EFL1: variants seen among roughly 807,000 people sequenced by gnomAD.
The protein encoded by EFL1 is elongation factor-like GTPase 1.
EFL1 carries 76 observed loss-of-function variants against 126.7 expected under a neutral mutation model. The observed-to-expected ratio is 0.60, with a 90% CI of 0.50 to 0.73. The LOEUF (loss-of-function observed/expected upper bound fraction) is 0.73, where lower values mean the gene tolerates loss of function less well. Ranked by LOEUF, EFL1 falls within the 30% of genes least tolerant of loss-of-function variation. The pLI is 0.00. For synonymous variants in EFL1, 410 were observed against 448.4 expected (o/e 0.91, Z 1.08); for missense variants, 1,128 against 1,343.2 (o/e 0.84, Z 2.50).
At chr15:82,248,458 T>C (rs532027082) in intron 4 of EFL1, among the ~76,000 whole-genome samples, 6 of 152,162 alleles carry the variant, frequency 3.9e-5, no homozygotes, top group South Asian at 2.1e-4. Context: ...AGTGTCTCCA[T>C]GGCCTAGTCT....
chr15:82,201,720 G>C (rs902062623), intron 15 of EFL1, among the ~76,000 whole-genome samples: 2 of 79,648 alleles, frequency 2.5e-5, no homozygotes, highest in East Asian at 3.7e-4. Context: ...AAAAAAAAAA[G>C]AACTCAAACT....
In EFL1 at chr15:82,180,361, AAAAAAAAAAAAC is replaced by A. The variant is rs1227784900; in HGVS notation, c.1751-16389_1751-16378del. ...AGCAGTAACTGCGATTAAACTGGCA[AAAAAAAAAAAAC>A]AAAAAAAAAACAAACAAAAAAAACC... On this transcript the variant is annotated intron_variant, in intron 15 of 19. Transcript: ENST00000268206. Among the ~76,000 whole-genome samples, 413 of 47,110 alleles carry A rather than the reference AAAAAAAAAAAAC, an allele frequency of 8.8e-3. 7 individuals carry two copies. In the African/African-American group the frequency reaches 0.094, roughly 11 times the overall value. 30.9% of individuals were successfully genotyped at this position (47,110 alleles called of 152,430 possible). A position where few individuals can be genotyped will look rare whatever the true frequency, so the allele number is the denominator to read the frequency against.
intron 15 of EFL1, among the ~76,000 whole-genome samples, chr15:82,202,452 C>G (rs957904739): frequency 1.7e-4 from 26 of 151,994 alleles, no homozygotes; most frequent in African/African-American, 6.0e-4. Flanking sequence ...TAATATTTCC[C>G]AAGGAAATCA....
intron 7 of EFL1, among the ~76,000 whole-genome samples, chr15:82,236,353 C>T (rs185612431): frequency 6.6e-6 from 1 of 152,114 alleles, no homozygotes; most frequent in Non-Finnish European, 1.5e-5. Context: ...AGGCCTTGAA[C>T]AGCAAAAGAA....
At chr15:82,189,750 T>C (rs1473800837) in intron 15 of EFL1, among the ~76,000 whole-genome samples, 1 of 152,130 alleles carries the variant, frequency 6.6e-6, no homozygotes, top group Non-Finnish European at 1.5e-5. Context: ...CACACACATA[T>C]ACATTAGTAT....
intron 15 of EFL1, among the ~76,000 whole-genome samples, chr15:82,175,962 C>T (rs1359675563): frequency 6.6e-6 from 1 of 151,818 alleles, no homozygotes; most frequent in African/African-American, 2.4e-5. Flanking sequence ...TCTTTTAAAA[C>T]CAAAAAATTA....
intron 15 of EFL1, among the ~76,000 whole-genome samples, chr15:82,176,508 A>G (rs1018664599): frequency 2.0e-5 from 3 of 152,252 alleles, no homozygotes; most frequent in Non-Finnish European, 4.4e-5. Flanking sequence ...CAGAGAATCT[A>G]TAAGTGGGTA....
At chr15:82,241,473 G>T in intron 4 of EFL1, 70 bp from the exon 5 acceptor site, 2 of 1,517,000 alleles carry the variant, frequency 1.3e-6, no homozygotes, top group South Asian at 1.3e-5. Flanking sequence ...AGGCGTTCTA[G>T]AATAAGAAAG....
intron 15 of EFL1, among the ~76,000 whole-genome samples, chr15:82,197,113 A>T (rs1347946930): frequency 6.6e-6 from 1 of 152,176 alleles, no homozygotes; most frequent in Non-Finnish European, 1.5e-5. Flanking sequence ...CTGATTATGT[A>T]AACTGTTTAG....
At position 82,188,918 on chromosome 15, in the gene EFL1, CT is replaced by C. The variant is rs200171867; in HGVS notation, c.1751-24935del. Among the ~76,000 whole-genome samples, 814 of 133,538 alleles carry C rather than the reference CT, an allele frequency of 6.1e-3. 4 individuals carry two copies. Among genetic ancestry groups the C allele is most frequent in the African/African-American group, 0.011 (397 of 36,702 alleles). 87.6% of individuals were successfully genotyped at this position (133,538 alleles called of 152,430 possible). ...TGCAATGTTAGAGAATGTGTTTATG[CT>C]TTTTTTTTTTTTTTTGCTCATGCAT... On this transcript the variant is annotated intron_variant, in intron 15 of 19. Coordinates refer to ENST00000268206, the MANE Select transcript of EFL1 (RefSeq NM_024580.6).
chr15:82,239,326 C>G (rs1358896773), intron 6 of EFL1, among the ~76,000 whole-genome samples: 1 of 152,028 alleles, frequency 6.6e-6, no homozygotes, highest in Non-Finnish European at 1.5e-5. Flanking sequence ...TTAGTAGAGA[C>G]AGGGTTTCAC....
intron 15 of EFL1, among the ~76,000 whole-genome samples, chr15:82,193,101 C>A (rs1388883382): frequency 2.0e-5 from 3 of 152,120 alleles, no homozygotes; most frequent in East Asian, 3.8e-4. Flanking sequence ...AATTTGTTAA[C>A]AAAGAATAGG....
At chr15:82,175,711 G>A (rs971237143) in intron 15 of EFL1, among the ~76,000 whole-genome samples, 2 of 152,056 alleles carry the variant, frequency 1.3e-5, no homozygotes, top group East Asian at 1.9e-4. Context: ...AAAATTAGCC[G>A]GCAAGGTGGC....
At chr15:82,171,394 A>G (rs1215862057) in intron 15 of EFL1, among the ~76,000 whole-genome samples, 1 of 152,202 alleles carries the variant, frequency 6.6e-6, no homozygotes, top group Non-Finnish European at 1.5e-5. Flanking sequence ...AAAAATGAAG[A>G]GCCCAGAAAA....
intron 6 of EFL1, among the ~76,000 whole-genome samples, chr15:82,239,458 G>A (rs1394129603): frequency 6.6e-6 from 1 of 152,008 alleles, no homozygotes; most frequent in Non-Finnish European, 1.5e-5. Context: ...TTTCTACAAC[G>A]AATGATATCC....
At chr15:82,138,446 G>A (rs2141212841) in intron 19 of EFL1, among the ~76,000 whole-genome samples, 2 of 151,834 alleles carry the variant, frequency 1.3e-5, no homozygotes, top group South Asian at 4.2e-4. Context: ...GTGTGTGTGT[G>A]TGTGTGTGTG....
intron 15 of EFL1, among the ~76,000 whole-genome samples, chr15:82,209,783 T>C (rs142998417): frequency 1.4e-4 from 22 of 152,376 alleles, no homozygotes; most frequent in African/African-American, 3.8e-4. Flanking sequence ...TCTACACTTA[T>C]CGGCACACAT....
chr15:82,209,363 C>A (rs1010585621), intron 15 of EFL1, among the ~76,000 whole-genome samples: 1 of 143,664 alleles, frequency 7.0e-6, no homozygotes, highest in African/African-American at 2.8e-5. Context: ...AGATTATCAA[C>A]ACTGACTTCC....
intron 4 of EFL1, among the ~76,000 whole-genome samples, chr15:82,244,266 A>G (rs138873791): frequency 6.6e-6 from 1 of 152,150 alleles, no homozygotes; most frequent in Non-Finnish European, 1.5e-5. Flanking sequence ...ATGTCTCTTT[A>G]AAAAATGCCA....
Sources: gnomAD v4.1 joint callset for allele counts (sites outside exome capture counted in the v4.1 genomes callset) on GRCh38, gnomAD v4.1.1 for gene constraint, MANE v1.5 for transcripts, NCBI Gene and HGNC (gene_info 2026-07-23, HGNC 2026-07-21) for gene names.